OPLAH: variants seen among roughly 807,000 people sequenced by gnomAD.
OPLAH encodes 5-oxoprolinase.
A neutral mutation model predicts 122.8 loss-of-function variants in OPLAH; 103 were observed. That is an observed-to-expected ratio of 0.84 (90% CI 0.71 to 0.99). The LOEUF (loss-of-function observed/expected upper bound fraction) is 0.99, where lower values mean the gene tolerates loss of function less well. Among genes scored for constraint, OPLAH ranks in the 50% least tolerant of loss-of-function variants. The pLI, the probability that OPLAH is intolerant of heterozygous loss-of-function variation, is 0.00. For synonymous variants in OPLAH, 875 were observed against 796.0 expected, an observed-to-expected ratio of 1.10 and a Z score of -1.67; for missense variants, 1,902 against 1,836.5, an observed-to-expected ratio of 1.04 and a Z score of -0.65.
In OPLAH at chr8:144,056,035, G is replaced by A. The variant is rs146044934; in HGVS notation, c.2097-96C>T. 1.9e-4 allele frequency: 291 copies of A among 1,498,970 alleles called. 5 individuals are homozygous for A. The African/African-American group carries it at 3.6e-3, about 19-fold the overall frequency. 92.9% of individuals were successfully genotyped at this position (1,498,970 alleles called of 1,614,324 possible). A position where few individuals can be genotyped will look rare whatever the true frequency, so the allele number is the denominator to read the frequency against. Reference sequence around the variant, plus strand: ...CCAGGCCAGGGGCCACCCCAACGATGGTGGGATACAGAGTCCTGCAGGCCC... The same window carrying A: ...CCAGGCCAGGGGCCACCCCAACGATAGTGGGATACAGAGTCCTGCAGGCCC... On this transcript the variant is annotated intron_variant, in intron 15 of 26. Transcript: ENST00000618853.
chr8:144,059,312 G>A (rs1554760321), intron 3 of OPLAH, among the ~76,000 whole-genome samples: 1 of 152,208 alleles, frequency 6.6e-6, no homozygotes, highest in Non-Finnish European at 1.5e-5. Flanking sequence ...TTCCGGAAAC[G>A]CAGCAGTAGG....
Position 144,055,743 on chromosome 8 carries a change from C to G in OPLAH, c.2248+45G>C. Reference sequence around the variant, plus strand: ...CAGCCCTGCCAGCTACCCCATGACACAGCCGGCGCCTCATCCCACAGGGAG... The same window carrying G: ...CAGCCCTGCCAGCTACCCCATGACAGAGCCGGCGCCTCATCCCACAGGGAG... On this transcript the variant is annotated intron_variant, in intron 16 of 26. Coordinates refer to ENST00000618853, the MANE Select transcript of OPLAH (RefSeq NM_017570.5). This position sits in a 1 kb window ranked among gnomAD's most constrained non-coding sequence, Gnocchi z 6.5. 1 of 1,447,818 alleles carries G rather than the reference C, an allele frequency of 6.9e-7. No individual in the cohort carries two copies. The highest frequency in any genetic ancestry group is 9.1e-7 in the Non-Finnish European group (1 of 1,094,454). 89.7% of individuals were successfully genotyped at this position (1,447,818 alleles called of 1,614,324 possible).
chr8:144,052,451 G>C lies in OPLAH; in HGVS notation c.3301C>G (p.Gln1101Glu), dbSNP rs1835404723. The C allele has an allele frequency of 3.3e-6, 5 of 1,536,162 alleles. No individual in the cohort carries two copies. Among genetic ancestry groups the C allele is most frequent in the Non-Finnish European group, 3.5e-6 (4 of 1,146,302 alleles). The change falls in exon 23 of 27, where the codon CAG becomes GAG. Residue 1101 changes from glutamine to glutamate, a missense_variant and splice_region_variant. By Grantham distance (29) the Gln-to-Glu change is conservative. Coordinates refer to ENST00000618853, the MANE Select transcript of OPLAH (RefSeq NM_017570.5). ...CTGCGCCCACCCCGCCCCCGCACCT[G>C]GGAGGCGGCGCAGGCCCCAAAGGCC... ...LGAFGACAAS[Q>E]GCMNNVTLGN...
intron 26 of OPLAH, 48 bp downstream of exon 26, chr8:144,051,681 C>CGGGAG (rs781877214): frequency 2.3e-4 from 247 of 1,058,310 alleles, no homozygotes; most frequent in African/African-American, 8.8e-4. Context: ...GGGATGGGGC[C>CGGGAG]GGGAGGGGAG....
At chr8:144,063,389 C>G (rs1835694040), upstream of OPLAH, among the ~76,000 whole-genome samples, 1 of 152,246 alleles carries the variant, frequency 6.6e-6, no homozygotes, top group African/African-American at 2.4e-5. This position sits in a 1 kb window ranked among gnomAD's most constrained non-coding sequence, Gnocchi z 4.2. Flanking sequence ...CTGTCCCCAC[C>G]ACCAGAGAGC....
chr8:144,059,937 G>C lies in OPLAH; in HGVS notation c.96C>G (p.Val32=), dbSNP rs1215192681. Reference sequence around the variant, plus strand: ...CAGGGTCCTCTGAGAGCAGTTTTAAGACCCGCACGTGCCCCCCTGGGCACT... The same window carrying C: ...CAGGGTCCTCTGAGAGCAGTTTTAACACCCGCACGTGCCCCCCTGGGCACT... The part of the protein sequence containing the change: ...FAQCPGGHVR[V]LKLLSEDPAN... The change falls in exon 2 of 27, where the codon GTC becomes GTG. Residue 32 remains valine (V), a synonymous_variant. Coordinates refer to ENST00000618853, the MANE Select transcript of OPLAH (RefSeq NM_017570.5). 2 of 1,612,684 alleles carry C rather than the reference G, an allele frequency of 1.2e-6. No individual in the cohort carries two copies. Among genetic ancestry groups the C allele is most frequent in the Admixed American group, 3.3e-5 (2 of 60,010 alleles).
chr8:144,050,334 G>A (rs1835344097), downstream of OPLAH: 3 of 968,416 alleles, frequency 3.1e-6, no homozygotes, highest in East Asian at 1.3e-4. Context: ...AACAGCTGAC[G>A]CCGCTGCTGG....
Position 144,057,568 on chromosome 8 carries a change from G to C in OPLAH, c.1302C>G (p.Val434=). 1 of 1,583,668 alleles carries C rather than the reference G, an allele frequency of 6.3e-7. No individual in the cohort carries two copies. Among genetic ancestry groups the C allele is most frequent in the South Asian group, 1.2e-5 (1 of 86,580 alleles). The change falls in exon 10 of 27, where the codon GTC becomes GTG. Residue 434 remains valine, a synonymous_variant. Coordinates refer to ENST00000618853, the MANE Select transcript of OPLAH (RefSeq NM_017570.5). ...AGGGCCCGTTGGTCAGGAAGCTGTT[G>C]ACCTCAGTGGCCACAGCCTCCAGGG... ...RKALEAVATE[V]NSFLTNGPCP...
rs1360337284 is a variant in OPLAH, at chr8:144,052,515, G to C, written c.3237C>G (p.Asn1079Lys). 7.6e-6 allele frequency: 12 copies of C among 1,582,662 alleles called. No homozygotes were observed. Among genetic ancestry groups the C allele is most frequent in the Non-Finnish European group, 7.7e-6 (9 of 1,171,234 alleles). The change falls in exon 23 of 27, where the codon AAC becomes AAG. Residue 1079 changes from asparagine (N) to lysine (K), a missense_variant. Around this residue, in one of 3 missense-constraint regions of OPLAH, gnomAD observed 1,726 missense variants for 1,642.1 expected, o/e 1.05. Coordinates refer to ENST00000618853, the MANE Select transcript of OPLAH (RefSeq NM_017570.5). ...PSPEAAVVGG[N>K]VLTSQRVVDV... is the part of the protein sequence containing the mutation. ...CCACCACGCGCTGCGACGTGAGCAC[G>C]TTGCCGCCCACCACCGCCGCCTCGG...
chr8:144,054,548 C>T lies in OPLAH; in HGVS notation c.2686+13G>A, dbSNP rs1554758441. The T allele has an allele frequency of 6.4e-7, 1 of 1,565,114 alleles. No individual in the cohort carries two copies. The highest frequency in any genetic ancestry group is 8.7e-7 in the Non-Finnish European group (1 of 1,150,530). On this transcript the variant is annotated intron_variant, in intron 19 of 26. Coordinates refer to ENST00000618853, the MANE Select transcript of OPLAH (RefSeq NM_017570.5). ...AGCCTACAGAAGGCCTGCCCCACCCCACTCCCACTCACCCTCCTCCTGGAA... is the reference window on the plus strand; with the variant it reads ...AGCCTACAGAAGGCCTGCCCCACCCTACTCCCACTCACCCTCCTCCTGGAA...
At chr8:144,051,599 A>G in intron 26 of OPLAH, 127 bp from the exon 27 acceptor site, 2 of 1,135,978 alleles carry the variant, frequency 1.8e-6, no homozygotes, top group African/African-American at 3.2e-5. Context: ...GAGGCCCGGT[A>G]CGCGCCCCCT....
In OPLAH at chr8:144,051,920, G is replaced by C. The variant is rs1554757748; in HGVS notation, c.3618C>G (p.Leu1206=). The C allele has an allele frequency of 6.5e-7, 1 of 1,533,514 alleles. No homozygotes were observed. Among genetic ancestry groups the C allele is most frequent in the South Asian group, 1.2e-5 (1 of 84,146 alleles). The allele number at this position is 1,533,514 out of a possible 1,614,324, so 95.0% of individuals were successfully genotyped here. A position where few individuals can be genotyped will look rare whatever the true frequency, so the allele number is the denominator to read the frequency against. Residue 1206 remains leucine, a synonymous_variant, in exon 25 of 27, where the codon CTC becomes CTG. Transcript: ENST00000618853. The stretch of plus-strand genomic sequence containing the variant: ...GAGGGCTGGGGAACCGCGCACCGTG[G>C]AGCCCGTATGGCCGGAAGGCGCGGC... The part of the protein sequence containing the change: ...TERRAFRPYG[L]HGGEPGARGL...
In OPLAH at chr8:144,051,435, T is replaced by C; in HGVS notation, c.3758A>G (p.Tyr1253Cys). ...TGGGGCGGGGTCCTCCGGGTCCCCA[T>C]AGCCACCGCCGCCGGGCGTGTGGAG... is the stretch of plus-strand genomic sequence containing the variant. The part of the protein sequence containing the change: ...FCLHTPGGGG[Y>C]GDPEDPAPPP... The change falls in exon 27 of 27, where the codon TAT becomes TGT. Residue 1253 changes from tyrosine (Y) to cysteine (C), a missense_variant. Around this residue, in one of 3 missense-constraint regions of OPLAH, gnomAD observed 1,726 missense variants for 1,642.1 expected, o/e 1.05. Transcript: ENST00000618853. The C allele has an allele frequency of 6.7e-7, 1 of 1,489,172 alleles. No homozygotes were observed. The highest frequency in any genetic ancestry group is 8.9e-7 in the Non-Finnish European group (1 of 1,119,958). 92.2% of individuals were successfully genotyped at this position (1,489,172 alleles called of 1,614,324 possible).
chr8:144,058,100 A>C lies in OPLAH; in HGVS notation c.998T>G (p.Phe333Cys). Reference sequence around the variant, plus strand: ...GGTGACGCCAGCTGTGCTGGCCTCGAAGACGTGCTCGAATTCCCCAGCATA... The same window carrying C: ...GGTGACGCCAGCTGTGCTGGCCTCGCAGACGTGCTCGAATTCCCCAGCATA... ...SRYAGEFEHV[F>C]EASTAGVTLQ... The change falls in exon 8 of 27, where the codon TTC becomes TGC. Residue 333 changes from phenylalanine (F) to cysteine (C), a missense_variant. By Grantham distance (205) the Phe-to-Cys change is radical. Coordinates refer to ENST00000618853, the MANE Select transcript of OPLAH (RefSeq NM_017570.5). The C allele has an allele frequency of 6.2e-7, 1 of 1,612,492 alleles. No individual in the cohort carries two copies. The highest frequency in any genetic ancestry group is 8.5e-7 in the Non-Finnish European group (1 of 1,179,800).
At chr8:144,059,131 G>T in intron 3 of OPLAH, 52 bp from the exon 4 acceptor site, 1 of 1,450,316 alleles carries the variant, frequency 6.9e-7, no homozygotes. Context: ...GTCCAGGCCG[G>T]GGTCCTGTGT....
At position 144,058,312 on chromosome 8, in the gene OPLAH, G is replaced by A. The variant is rs373739497; in HGVS notation, c.876C>T (p.Gly292=). Residue 292 remains glycine (G), a synonymous_variant, in exon 7 of 27, where the codon GGC becomes GGT. Transcript: ENST00000618853. ...GSSAVLSGPA[G]GVVGYSATTY... is the part of the protein sequence containing the mutation. The stretch of plus-strand genomic sequence containing the variant: ...TGGTGGCTGAGTAGCCCACCACGCC[G>A]CCGGCCGGGCCCGAGAGCACAGCAC... 160 of 1,604,452 alleles carry A rather than the reference G, an allele frequency of 1.0e-4. 1 individual carries two copies. The African/African-American group carries it at 1.5e-3, about 15-fold the overall frequency.
chr8:144,057,223 G>C lies in OPLAH; in HGVS notation c.1520C>G (p.Thr507Arg), dbSNP rs369275033. 3.7e-6 allele frequency: 6 copies of C among 1,611,872 alleles called. No homozygotes were observed. In the South Asian group the frequency reaches 6.6e-5, roughly 18 times the overall value. The stretch of plus-strand genomic sequence containing the variant: ...CCAGGCCCACCTGTGGATGTGCACC[G>C]TGTCCATGCCCAGGGCCCGGGCGAT... ...CAIARALGMDTVHIHRHSGLL... is the reference protein window; with the variant it reads ...CAIARALGMDRVHIHRHSGLL... Residue 507 changes from threonine to arginine, a missense_variant, in exon 11 of 27, where the codon ACG becomes AGG. Transcript: ENST00000618853.
chr8:144,058,316 G>C lies in OPLAH; in HGVS notation c.872C>G (p.Ala291Gly). 1.2e-6 allele frequency: 2 copies of C among 1,603,868 alleles called. No homozygotes were observed. The highest frequency in any genetic ancestry group is 2.2e-5 in the South Asian group (2 of 90,310). ...SGSSAVLSGPAGGVVGYSATT... is the reference protein window; with the variant it reads ...SGSSAVLSGPGGGVVGYSATT... ...GGCTGAGTAGCCCACCACGCCGCCG[G>C]CCGGGCCCGAGAGCACAGCACTGGA... The change falls in exon 7 of 27, where the codon GCC (alanine) becomes GGC (glycine). Residue 291 changes from alanine (A) to glycine (G), a missense_variant. By Grantham distance (60) the Ala-to-Gly change is moderately conservative. Transcript: ENST00000618853.
chr8:144,058,189 G>T, intron 7 of OPLAH, 41 bp from the exon 8 acceptor site: 1 of 1,606,882 alleles, frequency 6.2e-7, no homozygotes, highest in Non-Finnish European at 8.5e-7. Context: ...TGAAGACCCA[G>T]GGGCCCAGCA....
Sources: allele counts gnomAD v4.1 joint callset (sites outside exome capture counted in the v4.1 genomes callset), GRCh38; gene constraint gnomAD v4.1.1; regional missense constraint gnomAD v4.1.1; non-coding constraint Gnocchi (gnomAD v3.1); transcripts MANE v1.5; gene names NCBI Gene and HGNC (gene_info 2026-07-23, HGNC 2026-07-21).